The following KAT6B variants were observed in gnomAD, a reference collection of about 807,000 sequenced individuals.
KAT6B encodes histone acetyltransferase KAT6B.
In KAT6B, 10 loss-of-function variants were observed where a neutral mutation model predicts 187.5. That is an observed-to-expected ratio of 0.05 (90% CI 0.03 to 0.09). The LOEUF is 0.09. Among genes scored for constraint, KAT6B ranks in the 10% least tolerant of loss-of-function variants. The pLI, the probability that KAT6B is intolerant of heterozygous loss-of-function variation, is 1.00. For synonymous variants in KAT6B, 861 were observed against 926.8 expected (o/e 0.93, Z 1.29); for missense variants, 1,952 against 2,558.9 (o/e 0.76, Z 5.12).
At chr10:74,931,242 C>T (rs142369476) in intron 3 of KAT6B, among the ~76,000 whole-genome samples, 259 of 152,212 alleles carry the variant, frequency 1.7e-3, no homozygotes, top group African/African-American at 5.7e-3. Flanking sequence ...GGCCTCCTTT[C>T]CTCTCCTGTC....
In KAT6B at chr10:74,972,576, A is replaced by T; in HGVS notation, c.998A>T (p.Gln333Leu). 1 of 1,613,304 alleles carries T rather than the reference A, an allele frequency of 6.2e-7. No individual in the cohort carries two copies. Residue 333 changes from glutamine (Q) to leucine (L), a missense_variant, in exon 7 of 18, where the codon CAA becomes CTA. By Grantham distance (113) the Gln-to-Leu change is moderately radical (BLOSUM62 -2). Transcript: ENST00000287239. Reference sequence around the variant, plus strand: ...AAACTACTTCATGAGAAAGCTGCACAAATAAAACGACGATATGCAAAACCC... The same window carrying T: ...AAACTACTTCATGAGAAAGCTGCACTAATAAAACGACGATATGCAAAACCC... ...GRKLLHEKAAQIKRRYAKPIG... is the reference protein window; with the variant it reads ...GRKLLHEKAALIKRRYAKPIG...
chr10:74,912,919 C>T (rs529614088), intron 3 of KAT6B, among the ~76,000 whole-genome samples: 1 of 152,310 alleles, frequency 6.6e-6, no homozygotes, highest in African/African-American at 2.4e-5. Context: ...CAGCTGTCAT[C>T]TTGTGAAAGC....
chr10:74,985,315 G>A lies in KAT6B; in HGVS notation c.2535+74G>A, dbSNP rs1395510466. On this transcript the variant is annotated intron_variant, in intron 12 of 17. Transcript: ENST00000287239. Reference sequence around the variant, plus strand: ...TGGTAGAGCCCAATTCTTTGAACAGGGCTTTTTCATTACTATAATTTGAAT... The same window carrying A: ...TGGTAGAGCCCAATTCTTTGAACAGAGCTTTTTCATTACTATAATTTGAAT... 8 of 1,394,198 alleles carry A rather than the reference G, an allele frequency of 5.7e-6. 1 individual carries two copies. Among genetic ancestry groups the A allele is most frequent in the Non-Finnish European group, 8.1e-6 (8 of 986,006 alleles). The allele number at this position is 1,394,198 out of a possible 1,614,324, so 86.4% of individuals were successfully genotyped here. A position where few individuals can be genotyped will look rare whatever the true frequency, so the allele number is the denominator to read the frequency against.
In KAT6B at chr10:75,025,625, G is replaced by A. The variant is rs919903231; in HGVS notation, c.3664+376G>A. The A allele has an allele frequency of 1.2e-5, 3 of 241,996 alleles. No individual in the cohort carries two copies. The Admixed American group carries it at 1.5e-4, about 12-fold the overall frequency. The allele number at this position is 241,996 out of a possible 1,614,324, so 15.0% of individuals were successfully genotyped here. ...AATCAAGGTATATATTATTATCAGT[G>A]TGAGCATTGAATGGAATCGTTTCTT... On this transcript the variant is annotated intron_variant, in intron 17 of 17. Transcript: ENST00000287239.
At chr10:74,964,799 G>A (rs1219642461) in intron 4 of KAT6B, among the ~76,000 whole-genome samples, 1 of 152,164 alleles carries the variant, frequency 6.6e-6, no homozygotes, top group Non-Finnish European at 1.5e-5. Context: ...TACTCACTCA[G>A]TTACACAAAC....
chr10:74,955,170 A>G (rs1300723270), intron 3 of KAT6B, among the ~76,000 whole-genome samples: 2 of 152,218 alleles, frequency 1.3e-5, no homozygotes, highest in African/African-American at 2.4e-5. Context: ...CTAATACAAT[A>G]TAAATGCTAT....
rs191670557 is a variant in KAT6B at position 74,904,667 on chromosome 10, A to C, written c.622-55303A>C. 1.7e-4 allele frequency among the ~76,000 whole-genome samples: 26 copies of C among 152,280 alleles called. No individual in the cohort carries two copies. In the East Asian group the frequency reaches 4.5e-3, roughly 26 times the overall value. On this transcript the variant is annotated intron_variant, in intron 3 of 17. Transcript: ENST00000287239. ...GACACCTCCTTTCTTTAGCTGTGTTAATATATCCAGTCTTTGGGAGTCCAG... is the reference window on the plus strand; with the variant it reads ...GACACCTCCTTTCTTTAGCTGTGTTCATATATCCAGTCTTTGGGAGTCCAG...
chr10:74,882,720 T>A (rs958207965), intron 3 of KAT6B, among the ~76,000 whole-genome samples: 5 of 152,264 alleles, frequency 3.3e-5, no homozygotes, highest in African/African-American at 1.2e-4. Flanking sequence ...ACAATTGTCT[T>A]TAAAAGTTAA....
chr10:74,950,985 T>A (rs1840279582), intron 3 of KAT6B, among the ~76,000 whole-genome samples: 1 of 152,050 alleles, frequency 6.6e-6, no homozygotes, highest in South Asian at 2.1e-4. Context: ...TCTCAAAAGC[T>A]TGTCTCAAAA....
intron 3 of KAT6B, among the ~76,000 whole-genome samples, chr10:74,863,795 A>G (rs1225128852): frequency 6.6e-6 from 1 of 152,092 alleles, no homozygotes; most frequent in Non-Finnish European, 1.5e-5. Context: ...AGCATCTTCA[A>G]CTCTTTCAAC....
At chr10:74,965,155 A>G (rs547817651) in intron 4 of KAT6B, among the ~76,000 whole-genome samples, 5 of 152,248 alleles carry the variant, frequency 3.3e-5, no homozygotes, top group African/African-American at 9.6e-5. Context: ...TTACATCACT[A>G]TTCTGTTCAC....
At chr10:74,993,411 T>C (rs1029375472) in intron 13 of KAT6B, among the ~76,000 whole-genome samples, 2 of 152,370 alleles carry the variant, frequency 1.3e-5, no homozygotes, top group South Asian at 4.1e-4. Flanking sequence ...GTTTCTCTTC[T>C]CTCTCATATT....
chr10:75,019,563 T>G (rs1196366195), intron 13 of KAT6B, among the ~76,000 whole-genome samples: 1 of 152,212 alleles, frequency 6.6e-6, no homozygotes, highest in Non-Finnish European at 1.5e-5. Flanking sequence ...ATTTTGTCAT[T>G]GCTGCCACCT....
chr10:74,904,178 T>G (rs1846592781), intron 3 of KAT6B, among the ~76,000 whole-genome samples: 1 of 152,164 alleles, frequency 6.6e-6, no homozygotes, highest in Admixed American at 6.5e-5. Context: ...ACTGTATTAG[T>G]TTTCAATTAC....
chr10:75,003,497 A>T (rs1212357083), intron 13 of KAT6B, among the ~76,000 whole-genome samples: 1 of 152,152 alleles, frequency 6.6e-6, no homozygotes, highest in Non-Finnish European at 1.5e-5. Context: ...CTTTGCCCCC[A>T]TGACACTTGT....
intron 13 of KAT6B, among the ~76,000 whole-genome samples, chr10:75,014,177 C>A (rs1250727019): frequency 1.3e-5 from 2 of 152,118 alleles, no homozygotes; most frequent in African/African-American, 4.8e-5. Context: ...CCAAAGCAAT[C>A]TATGAAAATC....
intron 4 of KAT6B, among the ~76,000 whole-genome samples, chr10:74,966,561 A>G (rs536312155): frequency 6.6e-6 from 1 of 152,336 alleles, no homozygotes; most frequent in East Asian, 1.9e-4. Flanking sequence ...TGGTTTTGCT[A>G]GATAAAACTA....
At chr10:74,910,391 G>A (rs548141228) in intron 3 of KAT6B, among the ~76,000 whole-genome samples, 1 of 152,046 alleles carries the variant, frequency 6.6e-6, no homozygotes, top group South Asian at 2.1e-4. Context: ...ATACCCCCTC[G>A]TGGCATTTCC....
In KAT6B at chr10:74,981,821, A is replaced by G; in HGVS notation, c.2266A>G (p.Lys756Glu). 1 of 1,566,214 alleles carries G rather than the reference A, an allele frequency of 6.4e-7. No homozygotes were observed. Among genetic ancestry groups the G allele is most frequent in the South Asian group, 1.1e-5 (1 of 90,034 alleles). The change falls in exon 11 of 18, where the codon AAA (lysine) becomes GAA (glutamate). Residue 756 changes from lysine (K) to glutamate (E), a missense_variant. Lys to Glu is a moderately conservative substitution (Grantham distance 56, BLOSUM62 1). Coordinates refer to ENST00000287239, the MANE Select transcript of KAT6B (RefSeq NM_012330.4). ...GCTTTACCTGTGTGAATTCTGTCTT[A>G]AATATATGAAAAGTAAAAATATTTT... is the stretch of plus-strand genomic sequence containing the variant. ...PKLYLCEFCL[K>E]YMKSKNILLR...
Sources: gnomAD v4.1 joint callset for allele counts (sites outside exome capture counted in the v4.1 genomes callset) on GRCh38, gnomAD v4.1.1 for gene constraint, MANE v1.5 for transcripts, NCBI Gene and HGNC (gene_info 2026-07-23, HGNC 2026-07-21) for gene names.